Variants in MECOM observed in about 807,000 individuals in gnomAD.
The protein encoded by MECOM is histone-lysine N-methyltransferase MECOM.
A neutral mutation model predicts 116.3 loss-of-function variants in MECOM; 13 were observed. That is an observed-to-expected ratio of 0.11 (90% CI 0.07 to 0.18). The LOEUF (loss-of-function observed/expected upper bound fraction) is 0.18. MECOM is among the 10% of genes least tolerant of loss of function. The probability of loss-of-function intolerance (pLI) is 1.00; values close to 1 mark genes in which losing one functional copy is unlikely to be tolerated. For missense variants in MECOM, 1,299 were observed against 1,509.0 expected (o/e 0.86, Z 2.31); for synonymous variants, 528 against 535.2 (o/e 0.99, Z 0.19).
At chr3:169,475,376 T>C (rs1750190212) in intron 1 of MECOM, among the ~76,000 whole-genome samples, 1 of 152,204 alleles carries the variant, frequency 6.6e-6, no homozygotes, top group Admixed American at 6.5e-5. Context: ...TTTTAAGTTA[T>C]TCCCATTTTG....
chr3:169,239,897 G>A (rs9875656), intron 2 of MECOM, among the ~76,000 whole-genome samples: 15,495 of 152,102 alleles, frequency 0.1, 1,148 homozygotes, highest in African/African-American at 0.18. Context: ...AGGTTTGCTG[G>A]CTTTACTTAT....
At chr3:169,193,378 A>C (rs1253429342) in intron 2 of MECOM, among the ~76,000 whole-genome samples, 3 of 152,018 alleles carry the variant, frequency 2.0e-5, no homozygotes, top group Middle Eastern at 6.3e-3. Context: ...ACATCACTGG[A>C]ATTCGGAGTG....
chr3:169,105,170 A>G (rs914530201), intron 10 of MECOM, among the ~76,000 whole-genome samples: 3 of 152,178 alleles, frequency 2.0e-5, no homozygotes, highest in Non-Finnish European at 4.4e-5. Context: ...CCTTCTTTTC[A>G]TCTTCCTAAT....
At chr3:169,505,845 C>G (rs920249622) in intron 1 of MECOM, among the ~76,000 whole-genome samples, 13 of 152,180 alleles carry the variant, frequency 8.5e-5, no homozygotes, top group African/African-American at 2.7e-4. Flanking sequence ...GACTCTTTCT[C>G]TGTCTTTATC....
intron 2 of MECOM, among the ~76,000 whole-genome samples, chr3:169,185,113 C>A (rs1415996755): frequency 6.6e-6 from 1 of 152,086 alleles, no homozygotes; most frequent in Non-Finnish European, 1.5e-5. Context: ...AGATATTAAG[C>A]AAGAGGGTAG....
At chr3:169,516,363 A>T (rs1355782192) in intron 1 of MECOM, among the ~76,000 whole-genome samples, 4 of 152,200 alleles carry the variant, frequency 2.6e-5, no homozygotes. Flanking sequence ...CAAGAAAGCA[A>T]TCTGTTTCAG....
intron 1 of MECOM, among the ~76,000 whole-genome samples, chr3:169,433,627 AAGAAAG>A (rs1452703113): frequency 4.6e-5 from 6 of 131,782 alleles, no homozygotes; most frequent in Non-Finnish European, 8.2e-5. Flanking sequence ...GGAGAAAAGA[AAGAAAG>A]AGAAAGAGAA....
intron 1 of MECOM, among the ~76,000 whole-genome samples, chr3:169,581,168 A>C (rs1576980861): frequency 1.3e-5 from 2 of 152,346 alleles, no homozygotes; most frequent in East Asian, 3.9e-4. Flanking sequence ...TTCAAAACAA[A>C]ATGAAACAAG....
At chr3:169,360,092 G>T (rs1356032416) in intron 2 of MECOM, among the ~76,000 whole-genome samples, 1 of 151,332 alleles carries the variant, frequency 6.6e-6, no homozygotes, top group Non-Finnish European at 1.5e-5. Flanking sequence ...ACTCAACTTT[G>T]GGCTACTGTT....
At chr3:169,252,022 TA>T (rs1247553651) in intron 2 of MECOM, among the ~76,000 whole-genome samples, 1 of 152,204 alleles carries the variant, frequency 6.6e-6, no homozygotes, top group Non-Finnish European at 1.5e-5. Context: ...GAAATTTATA[TA>T]AACTGTTTTT....
At chr3:169,438,157 C>T (rs1743003637) in intron 1 of MECOM, among the ~76,000 whole-genome samples, 1 of 152,180 alleles carries the variant, frequency 6.6e-6, no homozygotes, top group African/African-American at 2.4e-5. Context: ...AGCTCTAGAG[C>T]CCACGCGCTT....
intron 1 of MECOM, among the ~76,000 whole-genome samples, chr3:169,416,108 C>A (rs115555385): frequency 2.9e-4 from 44 of 152,010 alleles, no homozygotes; most frequent in Non-Finnish European, 4.7e-4. Context: ...ATTCTAAAAC[C>A]GACCATATAA....
intron 1 of MECOM, among the ~76,000 whole-genome samples, chr3:169,560,650 G>A (rs913149457): frequency 6.6e-6 from 1 of 151,986 alleles, no homozygotes; most frequent in African/African-American, 2.4e-5. Context: ...AATACTCAAT[G>A]ATATAGCATA....
At chr3:169,110,627 A>C (rs1239875042) in intron 9 of MECOM, among the ~76,000 whole-genome samples, 1 of 152,168 alleles carries the variant, frequency 6.6e-6, no homozygotes, top group Non-Finnish European at 1.5e-5. Flanking sequence ...AACACCCCTC[A>C]GATAGTCCCA....
intron 2 of MECOM, among the ~76,000 whole-genome samples, chr3:169,280,573 T>C (rs1452371850): frequency 6.6e-6 from 1 of 152,148 alleles, no homozygotes; most frequent in East Asian, 1.9e-4. Context: ...TTGGGGTAGA[T>C]GAAATACAGT....
chr3:169,092,373 G>T (rs1468363712), intron 14 of MECOM, among the ~76,000 whole-genome samples: 4 of 151,460 alleles, frequency 2.6e-5, no homozygotes, highest in Admixed American at 1.3e-4. Context: ...AACTCCATGG[G>T]TATTTCATAT....
chr3:169,636,641 C>G (rs909531995), intron 1 of MECOM, among the ~76,000 whole-genome samples: 1 of 152,186 alleles, frequency 6.6e-6, no homozygotes, highest in Non-Finnish European at 1.5e-5. Flanking sequence ...GGTTCGTAAT[C>G]CTGTCCCCCA....
chr3:169,090,814 T>G (rs970799328), intron 14 of MECOM, among the ~76,000 whole-genome samples: 2 of 151,950 alleles, frequency 1.3e-5, no homozygotes, highest in Non-Finnish European at 2.9e-5. Context: ...CTCACTTATT[T>G]GTACTATTTT....
At chr3:169,646,074 A>G (rs576632612) in intron 1 of MECOM, among the ~76,000 whole-genome samples, 1 of 152,158 alleles carries the variant, frequency 6.6e-6, no homozygotes, top group East Asian at 1.9e-4. Context: ...ACATGAACTC[A>G]TCCTTTTTTA....
Sources: allele counts gnomAD v4.1 joint callset (sites outside exome capture counted in the v4.1 genomes callset), GRCh38; gene constraint gnomAD v4.1.1; transcripts MANE v1.5; gene names NCBI Gene and HGNC (gene_info 2026-07-23, HGNC 2026-07-21).